Variants in CORO7 observed in about 807,000 individuals in gnomAD.
CORO7 encodes the protein coronin 7.
In CORO7, 107 loss-of-function variants were observed where a neutral mutation model predicts 126.6. The observed-to-expected ratio is 0.85, with a 90% CI of 0.72 to 0.99. The LOEUF (loss-of-function observed/expected upper bound fraction) is 0.99. Among genes scored for constraint, CORO7 ranks in the 50% least tolerant of loss-of-function variants. CORO7 has a pLI of 0.00. For missense variants in CORO7, 1,314 were observed against 1,255.8 expected (o/e 1.05, Z -0.70); for synonymous variants, 603 against 536.8 (o/e 1.12, Z -1.70).
Position 4,365,028 on chromosome 16 carries a change from G to A in CORO7, c.873C>T (p.Val291=). 6.2e-7 allele frequency: 1 copy of A among 1,605,772 alleles called. No individual in the cohort carries two copies. The highest frequency in any genetic ancestry group is 1.1e-5 in the South Asian group (1 of 89,738). ...GERQLYCYEV[V]PQQPALSPVT... ...CTGGGCTCAGCGCCGGCTGCTGCGG[G>A]ACCACCTCGTAACAGTACAGCTGCC... The change falls in exon 11 of 28, where the codon GTC becomes GTT. Residue 291 remains valine, a synonymous_variant. Transcript: ENST00000251166.
At chr16:4,393,062 G>A (rs1218692473) in intron 7 of CORO7, among the ~76,000 whole-genome samples, 1 of 152,244 alleles carries the variant, frequency 6.6e-6, no homozygotes, top group African/African-American at 2.4e-5. Context: ...GAGGAGGGGA[G>A]AGGAGGAGGA....
Position 4,402,923 on chromosome 16 carries a change from G to A in CORO7, c.564+2568C>T, listed in dbSNP as rs376428588. The stretch of plus-strand genomic sequence containing the variant: ...GGGAGTAGCTGAGAGGGAGCAGGAG[G>A]GGGCTTTGGTGGTCCTGGGAGGCAG... On this transcript the variant is annotated intron_variant, in intron 6 of 27. Coordinates refer to ENST00000251166, the MANE Select transcript of CORO7 (RefSeq NM_024535.5). Among the ~76,000 whole-genome samples the A allele has an allele frequency of 2.0e-5, 3 of 152,260 alleles. No individual in the cohort carries two copies. The South Asian group carries it at 6.2e-4, about 32-fold the overall frequency.
intron 6 of CORO7, among the ~76,000 whole-genome samples, chr16:4,397,633 G>A (rs1433080651): frequency 6.6e-6 from 1 of 152,000 alleles, no homozygotes; most frequent in Non-Finnish European, 1.5e-5. Context: ...TTGTTTTTGA[G>A]ATGGAGTTTC....
intron 9 of CORO7, chr16:4,382,764 C>T (rs1316283869): frequency 1.3e-6 from 2 of 1,564,800 alleles, no homozygotes; most frequent in Non-Finnish European, 1.7e-6. Flanking sequence ...GAGTGAAGGT[C>T]CCCTTGGAGC....
intron 6 of CORO7, among the ~76,000 whole-genome samples, chr16:4,396,369 A>G (rs1484562803): frequency 6.6e-6 from 1 of 152,198 alleles, no homozygotes; most frequent in African/African-American, 2.4e-5. Flanking sequence ...GTAAGCCACC[A>G]TGTTTGGCCA....
chr16:4,361,887 G>C (rs115556333), intron 16 of CORO7, 98 bp downstream of exon 16: 1 of 1,524,662 alleles, frequency 6.6e-7, no homozygotes, highest in African/African-American at 1.4e-5. Flanking sequence ...CCTGACACAA[G>C]GTTTGTGCTC....
chr16:4,394,244 G>A (rs1465893374), intron 7 of CORO7, among the ~76,000 whole-genome samples: 1 of 151,906 alleles, frequency 6.6e-6, no homozygotes, highest in Non-Finnish European at 1.5e-5. Flanking sequence ...AGGAGATCGA[G>A]ACCATCCTGG....
At chr16:4,405,073 C>A (rs1283335777) in intron 6 of CORO7, among the ~76,000 whole-genome samples, 1 of 152,210 alleles carries the variant, frequency 6.6e-6, no homozygotes, top group Non-Finnish European at 1.5e-5. Context: ...CTTGCAGAGC[C>A]CAGGTCACGG....
At chr16:4,382,912 C>G (rs1291165739) in intron 9 of CORO7, 4 of 1,489,756 alleles carry the variant, frequency 2.7e-6, no homozygotes, top group Non-Finnish European at 3.6e-6. Context: ...CAGAGAGAGA[C>G]AGGGCAGCTG....
chr16:4,371,584 G>C (rs1336211137), intron 9 of CORO7, among the ~76,000 whole-genome samples: 1 of 152,138 alleles, frequency 6.6e-6, no homozygotes, highest in African/African-American at 2.4e-5. Flanking sequence ...TGACGCTTAG[G>C]ATTCCTAAAT....
chr16:4,408,164 C>T lies in CORO7; in HGVS notation c.303+17G>A. The T allele has an allele frequency of 1.2e-6, 2 of 1,614,082 alleles. No homozygotes were observed. The highest frequency in any genetic ancestry group is 1.7e-6 in the Non-Finnish European group (2 of 1,179,990). ...GGGCTGGGACATAGAGCAGCTCTTC[C>T]AACTGGCTCCACTCACCGTCCTGTC... On this transcript the variant is annotated intron_variant, in intron 4 of 27. Transcript: ENST00000251166.
intron 8 of CORO7, among the ~76,000 whole-genome samples, 159 bp downstream of exon 8, chr16:4,388,386 C>G (rs2055268766): frequency 1.3e-5 from 2 of 152,198 alleles, no homozygotes; most frequent in Admixed American, 6.5e-5. Flanking sequence ...AGCCGTCAGT[C>G]CCCTGAGGCT....
At chr16:4,372,856 G>A (rs1412403126) in intron 9 of CORO7, among the ~76,000 whole-genome samples, 2 of 152,166 alleles carry the variant, frequency 1.3e-5, no homozygotes, top group Non-Finnish European at 2.9e-5. Context: ...GGTCCTGGGG[G>A]TCTAGGTGTC....
chr16:4,364,389 C>A lies in CORO7; in HGVS notation c.1162G>T (p.Ala388Ser), dbSNP rs745556264. The A allele has an allele frequency of 3.3e-6, 5 of 1,510,674 alleles. No homozygotes were observed. Among genetic ancestry groups the A allele is most frequent in the East Asian group, 2.3e-5 (1 of 43,518 alleles). The allele number at this position is 1,510,674 out of a possible 1,614,324, so 93.6% of individuals were successfully genotyped here. A position where few individuals can be genotyped will look rare whatever the true frequency, so the allele number is the denominator to read the frequency against. ...QQVQKVSLNP[A>S]CRPHPSFTSC... ...GTGAAGCTCGGGTGGGGCCGGCAGGCGGGGTTGAGGCTGACCTTCTGCACC... is the reference window on the plus strand; with the variant it reads ...GTGAAGCTCGGGTGGGGCCGGCAGGAGGGGTTGAGGCTGACCTTCTGCACC... Residue 388 changes from alanine to serine, a missense_variant, in exon 14 of 28, where the codon GCC (alanine) becomes TCC (serine). By Grantham distance (99) the Ala-to-Ser change is moderately conservative. Coordinates refer to ENST00000251166, the MANE Select transcript of CORO7 (RefSeq NM_024535.5).
At chr16:4,391,451 G>C (rs565159060) in intron 7 of CORO7, among the ~76,000 whole-genome samples, 1 of 152,344 alleles carries the variant, frequency 6.6e-6, no homozygotes, top group African/African-American at 2.4e-5. Flanking sequence ...AGCTACTCGG[G>C]AGGCTGAGGC....
chr16:4,377,834 G>A (rs1360978197), intron 9 of CORO7, among the ~76,000 whole-genome samples: 1 of 152,202 alleles, frequency 6.6e-6, no homozygotes, highest in Non-Finnish European at 1.5e-5. Context: ...ACATTTTACG[G>A]GGCTGGGAAG....
chr16:4,394,057 C>T (rs368613495), intron 7 of CORO7, among the ~76,000 whole-genome samples: 16 of 152,064 alleles, frequency 1.1e-4, no homozygotes, highest in African/African-American at 3.4e-4. Flanking sequence ...GCCGAGATTG[C>T]GCCACTGCCC....
intron 1 of CORO7, chr16:4,415,658 G>C (rs2056381135): frequency 2.1e-6 from 2 of 964,396 alleles, no homozygotes; most frequent in Non-Finnish European, 2.5e-6. Context: ...GACCCTGATG[G>C]GGTCACTTGA....
At chr16:4,403,028 G>A (rs912805936) in intron 6 of CORO7, among the ~76,000 whole-genome samples, 1 of 152,112 alleles carries the variant, frequency 6.6e-6, no homozygotes, top group Non-Finnish European at 1.5e-5. Context: ...TGGGGCGGGG[G>A]TGGGGGCACA....
Sources: allele counts gnomAD v4.1 joint callset (sites outside exome capture counted in the v4.1 genomes callset), GRCh38; gene constraint gnomAD v4.1.1; transcripts MANE v1.5; gene names NCBI Gene and HGNC (gene_info 2026-07-23, HGNC 2026-07-21).